Variants in PARP8 observed in about 807,000 individuals in gnomAD.
The protein encoded by PARP8 is poly(ADP-ribose) polymerase family member 8, also known as protein mono-ADP-ribosyltransferase PARP8.
PARP8 carries 51 observed loss-of-function variants against 124.1 expected under a neutral mutation model. The ratio of observed to expected loss-of-function variants is 0.41; its 90% confidence interval spans 0.33 to 0.52. The LOEUF (loss-of-function observed/expected upper bound fraction) is 0.52, where lower values mean the gene tolerates loss of function less well. Among genes scored for constraint, PARP8 ranks in the 20% least tolerant of loss-of-function variants. The pLI is 0.21. For missense variants in PARP8, 860 were observed against 1,018.9 expected (o/e 0.84, Z 2.12); for synonymous variants, 391 against 361.5 (o/e 1.08, Z -0.93).
At chr5:50,711,321 C>T (rs1176372082) in intron 2 of PARP8, among the ~76,000 whole-genome samples, 2 of 152,070 alleles carry the variant, frequency 1.3e-5, no homozygotes, top group Non-Finnish European at 2.9e-5. Context: ...GCATGGCCCT[C>T]TCTCCAGCTC....
At chr5:50,722,190 A>G (rs559005722) in intron 2 of PARP8, among the ~76,000 whole-genome samples, 6 of 152,206 alleles carry the variant, frequency 3.9e-5, no homozygotes, top group African/African-American at 1.4e-4. Context: ...AATTATATAT[A>G]GTTGTTTTTC....
chr5:50,755,563 A>G (rs1179710359), intron 3 of PARP8, among the ~76,000 whole-genome samples: 1 of 152,154 alleles, frequency 6.6e-6, no homozygotes, highest in African/African-American at 2.4e-5. Flanking sequence ...TACCAGTACC[A>G]TACTGTTTTG....
intron 2 of PARP8, among the ~76,000 whole-genome samples, chr5:50,694,238 T>C (rs1413376218): frequency 6.6e-6 from 1 of 152,182 alleles, no homozygotes; most frequent in Non-Finnish European, 1.5e-5. Context: ...AAATTGCCCT[T>C]ATGGAAGTGA....
chr5:50,790,801 G>A (rs1741868282), intron 10 of PARP8, among the ~76,000 whole-genome samples: 1 of 152,080 alleles, frequency 6.6e-6, no homozygotes. Context: ...AGTGATTAAT[G>A]TTTTCAAAGA....
chr5:50,791,523 A>C (rs1295404945), intron 10 of PARP8, among the ~76,000 whole-genome samples: 1 of 152,206 alleles, frequency 6.6e-6, no homozygotes, highest in Non-Finnish European at 1.5e-5. Flanking sequence ...GCATTGAATG[A>C]ATATTGAGAG....
chr5:50,720,516 G>A (rs1401232055), intron 2 of PARP8, among the ~76,000 whole-genome samples: 6 of 151,960 alleles, frequency 3.9e-5, no homozygotes, highest in African/African-American at 1.4e-4. Context: ...GAAGAAGGTG[G>A]CAGAGACATC....
At chr5:50,731,111 G>T (rs750171933) in intron 2 of PARP8, among the ~76,000 whole-genome samples, 5 of 152,196 alleles carry the variant, frequency 3.3e-5, no homozygotes, top group Non-Finnish European at 5.9e-5. Context: ...TCTGCTTCTG[G>T]TTCCGCATGG....
intron 2 of PARP8, among the ~76,000 whole-genome samples, chr5:50,740,101 C>T (rs1478150578): frequency 6.6e-6 from 1 of 151,942 alleles, no homozygotes; most frequent in Non-Finnish European, 1.5e-5. Flanking sequence ...TATAATGTTC[C>T]CACTATGTGC....
At chr5:50,788,226 G>C (rs1741507965) in intron 9 of PARP8, among the ~76,000 whole-genome samples, 1 of 141,034 alleles carries the variant, frequency 7.1e-6, no homozygotes, top group African/African-American at 2.6e-5. Context: ...ACATTATACT[G>C]TATATTATTA....
intron 7 of PARP8, among the ~76,000 whole-genome samples, chr5:50,772,936 G>A (rs1490764274): frequency 6.6e-6 from 1 of 152,152 alleles, no homozygotes; most frequent in Admixed American, 6.5e-5. Context: ...TGACCCAGTA[G>A]ATCTGCCCAG....
chr5:50,687,048 T>C (rs530084425), intron 2 of PARP8, among the ~76,000 whole-genome samples: 10 of 152,340 alleles, frequency 6.6e-5, no homozygotes, highest in Admixed American at 4.6e-4. Context: ...GAATTTCTCC[T>C]CAGAAAATGG....
At chr5:50,765,860 C>T (rs1187867322) in intron 7 of PARP8, among the ~76,000 whole-genome samples, 1 of 152,188 alleles carries the variant, frequency 6.6e-6, no homozygotes, top group African/African-American at 2.4e-5. Flanking sequence ...TTGCAAAGTT[C>T]TAAGTCTGTT....
intron 16 of PARP8, 52 bp downstream of exon 16, chr5:50,821,390 A>T (rs895873133): frequency 1.1e-5 from 17 of 1,593,318 alleles, no homozygotes; most frequent in Non-Finnish European, 1.5e-5. Flanking sequence ...AACAATAACA[A>T]CAATATTGAG....
At chr5:50,773,987 C>T (rs1355884929) in intron 7 of PARP8, among the ~76,000 whole-genome samples, 1 of 152,004 alleles carries the variant, frequency 6.6e-6, no homozygotes, top group Non-Finnish European at 1.5e-5. Context: ...TCCCTGCGGC[C>T]TTCCACAGTG....
intron 2 of PARP8, among the ~76,000 whole-genome samples, chr5:50,695,986 G>A (rs1246881407): frequency 1.3e-5 from 2 of 152,030 alleles, no homozygotes; most frequent in Non-Finnish European, 2.9e-5. Flanking sequence ...TTTATTGTTA[G>A]GAATTATGTA....
intron 2 of PARP8, among the ~76,000 whole-genome samples, chr5:50,732,697 C>T (rs1431380108): frequency 6.6e-6 from 1 of 151,816 alleles, no homozygotes; most frequent in African/African-American, 2.4e-5. Context: ...TGTCTCACTG[C>T]AAGCTCCGCC....
At chr5:50,770,682 CGAAA>C (rs1218123135) in intron 7 of PARP8, among the ~76,000 whole-genome samples, 2 of 145,634 alleles carry the variant, frequency 1.4e-5, no homozygotes, top group African/African-American at 5.1e-5. Context: ...AAAGAAATAA[CGAAA>C]GAAAGCAAGC....
intron 25 of PARP8, among the ~76,000 whole-genome samples, chr5:50,835,741 C>G (rs1405771709): frequency 2.0e-5 from 3 of 151,978 alleles, no homozygotes; most frequent in Admixed American, 6.6e-5. Context: ...ATAATACAGG[C>G]TGGCAATGCA....
chr5:50,759,525 T>G (rs1760321053), intron 3 of PARP8, 118 bp from the exon 4 acceptor site: 2 of 1,137,522 alleles, frequency 1.8e-6, no homozygotes, highest in Non-Finnish European at 2.3e-6. Flanking sequence ...CAAACAGTAG[T>G]GTATGCTTTA....
Sources: gnomAD v4.1 joint callset for allele counts (sites outside exome capture counted in the v4.1 genomes callset) on GRCh38, gnomAD v4.1.1 for gene constraint, MANE v1.5 for transcripts, NCBI Gene and HGNC (gene_info 2026-07-23, HGNC 2026-07-21) for gene names.